The following SACS variants were observed in gnomAD, a reference collection of about 807,000 sequenced individuals.
SACS encodes the protein sacsin molecular chaperone, also known as sacsin.
SACS carries 197 observed loss-of-function variants against 348.0 expected under a neutral mutation model. The ratio of observed to expected loss-of-function variants is 0.57; its 90% CI spans 0.50 to 0.64. The LOEUF is 0.64. Among genes scored for constraint, SACS ranks in the 30% least tolerant of loss-of-function variants. The pLI is 0.00. For missense variants in SACS, 4,999 were observed against 5,360.8 expected, an observed-to-expected ratio of 0.93 and a Z score of 2.11; for synonymous variants, 1,985 against 1,910.6, an observed-to-expected ratio of 1.04 and a Z score of -1.02.
In SACS at chr13:23,338,535, G is replaced by C. The variant is rs764461676; in HGVS notation, c.5341C>G (p.Leu1781Val). 3.7e-6 allele frequency: 6 copies of C among 1,614,056 alleles called. No individual in the cohort carries two copies. Among genetic ancestry groups the C allele is most frequent in the Non-Finnish European group, 5.1e-6 (6 of 1,180,028 alleles). Reference sequence around the variant, plus strand: ...GGGTCATCATCTGGACCTCTAAAAAGTGGCGACTGTAAATCAGCAATCCTT... The same window carrying C: ...GGGTCATCATCTGGACCTCTAAAAACTGGCGACTGTAAATCAGCAATCCTT... ...FRRIADLQSP[L>V]FRGPDDDPAA... The change falls in exon 10 of 10, where the codon CTT (leucine) becomes GTT (valine). Residue 1781 changes from leucine to valine, a missense_variant. Leu to Val is a conservative substitution (Grantham distance 32). This residue lies in a region of SACS where 3,156 missense variants were observed against 3,380.1 expected (regional missense o/e 0.93). Coordinates refer to ENST00000382292, the MANE Select transcript of SACS (RefSeq NM_014363.6).
At chr13:23,378,895 C>T (rs552582445) in intron 2 of SACS, among the ~76,000 whole-genome samples, 2 of 152,250 alleles carry the variant, frequency 1.3e-5, no homozygotes, top group Non-Finnish European at 2.9e-5. Flanking sequence ...TTGTGAAACA[C>T]TCCATCATAA....
intron 2 of SACS, among the ~76,000 whole-genome samples, chr13:23,384,399 T>G (rs1458333995): frequency 6.6e-6 from 1 of 152,262 alleles, no homozygotes; most frequent in Non-Finnish European, 1.5e-5. Context: ...TGTAGTGATG[T>G]TCACATGTGT....
chr13:23,359,571 T>C (rs1287833598), intron 6 of SACS, among the ~76,000 whole-genome samples: 1 of 152,178 alleles, frequency 6.6e-6, no homozygotes, highest in Non-Finnish European at 1.5e-5. Flanking sequence ...AAAAGTAATA[T>C]TTATAAAATA....
Position 23,340,053 on chromosome 13 carries a change from A to G in SACS, c.3823T>C (p.Phe1275Leu). ...EGKDSFRALKFPWVWTGKKFC... is the reference protein window; with the variant it reads ...EGKDSFRALKLPWVWTGKKFC... ...TTTTTGCCAGTCCAAACCCATGGAA[A>G]TTTTAAGGCTCTAAAAGAATCTTTC... Residue 1275 changes from phenylalanine (F) to leucine (L), a missense_variant, in exon 10 of 10, where the codon TTT becomes CTT. Phe to Leu is a conservative substitution (Grantham distance 22, BLOSUM62 0). This residue lies in a region of SACS where 3,156 missense variants were observed against 3,380.1 expected (regional missense o/e 0.93). Coordinates refer to ENST00000382292, the MANE Select transcript of SACS (RefSeq NM_014363.6). 1 of 1,614,056 alleles carries G rather than the reference A, an allele frequency of 6.2e-7. No individual in the cohort carries two copies. The highest frequency in any genetic ancestry group is 8.5e-7 in the Non-Finnish European group (1 of 1,179,996).
chr13:23,426,053 G>C (rs962290391), intron 1 of SACS, among the ~76,000 whole-genome samples: 1 of 152,128 alleles, frequency 6.6e-6, no homozygotes, highest in Non-Finnish European at 1.5e-5. Flanking sequence ...TCATTATACA[G>C]AGAAGGAAAC....
chr13:23,403,343 G>A (rs1873066390), intron 2 of SACS, among the ~76,000 whole-genome samples: 1 of 152,172 alleles, frequency 6.6e-6, no homozygotes, highest in African/African-American at 2.4e-5. Flanking sequence ...AATGGTACCA[G>A]CTCCTCTTTT....
At chr13:23,408,693 C>G (rs150242759) in intron 2 of SACS, among the ~76,000 whole-genome samples, 312 of 152,282 alleles carry the variant, frequency 2.0e-3, no homozygotes, top group African/African-American at 7.2e-3. Context: ...TGGCCTGGCA[C>G]AGTGGCTCAC....
intron 2 of SACS, among the ~76,000 whole-genome samples, chr13:23,390,935 G>T (rs1872507250): frequency 6.6e-6 from 1 of 152,140 alleles, no homozygotes; most frequent in South Asian, 2.1e-4. Context: ...GCCCAAACCT[G>T]CCCTGGGCCA....
In SACS at chr13:23,338,941, T is replaced by C; in HGVS notation, c.4935A>G (p.Arg1645=). The part of the protein sequence containing the change: ...APYSYNGTLF[R]LSFRTQQEAK... ...CTTCCTGTTGAGTTCTAAAGGACAG[T>C]CGGAAAAGGGTTCCATTATAGCTGT... The change falls in exon 10 of 10, where the codon CGA becomes CGG. Residue 1645 remains arginine (R), a synonymous_variant. Transcript: ENST00000382292. 1.2e-6 allele frequency: 2 copies of C among 1,613,806 alleles called. No individual in the cohort carries two copies. Among genetic ancestry groups the C allele is most frequent in the Non-Finnish European group, 1.7e-6 (2 of 1,179,926 alleles).
chr13:23,334,752 C>G lies in SACS; in HGVS notation c.9124G>C (p.Asp3042His), dbSNP rs767362322. 2 of 1,613,756 alleles carry G rather than the reference C, an allele frequency of 1.2e-6. No individual in the cohort carries two copies. The highest frequency in any genetic ancestry group is 1.7e-6 in the Non-Finnish European group (2 of 1,179,760). The part of the protein sequence containing the change: ...QDELQHLKNA[D>H]YNITTRKTVA... ...GTTTTGCGTGTGGTGATATTATAAT[C>G]TGCATTTTTAAGGTGTTGTAATTCA... is the stretch of plus-strand genomic sequence containing the variant. The change falls in exon 10 of 10, where the codon GAT becomes CAT. Residue 3042 changes from aspartate (D) to histidine (H), a missense_variant. By Grantham distance (81) the Asp-to-His change is moderately conservative. This residue lies in a region of SACS where 734 missense variants were observed against 694.0 expected (regional missense o/e 1.06). Transcript: ENST00000382292.
chr13:23,407,590 G>T (rs1339479969), intron 2 of SACS, among the ~76,000 whole-genome samples: 1 of 152,170 alleles, frequency 6.6e-6, no homozygotes, highest in Non-Finnish European at 1.5e-5. Flanking sequence ...GGTTCAGCTG[G>T]TCCTTAATGA....
At chr13:23,392,971 A>G (rs1371442533) in intron 2 of SACS, among the ~76,000 whole-genome samples, 4 of 152,182 alleles carry the variant, frequency 2.6e-5, no homozygotes, top group Admixed American at 2.0e-4. Context: ...AGAAAACACA[A>G]TAAGCACAGA....
Position 23,335,436 on chromosome 13 carries a change from T to C in SACS, c.8440A>G (p.Asn2814Asp), listed in dbSNP as rs896492149. 3.7e-6 allele frequency: 6 copies of C among 1,613,900 alleles called. No individual in the cohort carries two copies. Among genetic ancestry groups the C allele is most frequent in the Non-Finnish European group, 4.2e-6 (5 of 1,179,902 alleles). Reference sequence around the variant, plus strand: ...TTACAAATTAGCCACGTAGTAAGATTTCCTTCAGAGTCCTCAGTATCCATA... The same window carrying C: ...TTACAAATTAGCCACGTAGTAAGATCTCCTTCAGAGTCCTCAGTATCCATA... ...YTMDTEDSEGNLTTWLICNRS... is the reference protein window; with the variant it reads ...YTMDTEDSEGDLTTWLICNRS... Residue 2814 changes from asparagine (N) to aspartate (D), a missense_variant, in exon 10 of 10, where the codon AAT becomes GAT. Coordinates refer to ENST00000382292, the MANE Select transcript of SACS (RefSeq NM_014363.6). The surrounding 1 kb of genome is among the most constrained non-coding windows in gnomAD (Gnocchi z 4.7).
At chr13:23,365,920 C>T (rs201701589) in intron 5 of SACS, among the ~76,000 whole-genome samples, 3 of 152,064 alleles carry the variant, frequency 2.0e-5, no homozygotes, top group East Asian at 3.9e-4. Flanking sequence ...ACCAGCTCCC[C>T]GTAATGTAGA....
chr13:23,340,073 T>G lies in SACS; in HGVS notation c.3803A>C (p.Asp1268Ala). The G allele has an allele frequency of 1.2e-6, 2 of 1,614,008 alleles. No homozygotes were observed. The highest frequency in any genetic ancestry group is 1.7e-6 in the Non-Finnish European group (2 of 1,179,924). Residue 1268 changes from aspartate to alanine, a missense_variant, in exon 10 of 10, where the codon GAT becomes GCT. Physicochemically the swap from Asp to Ala is moderately radical, Grantham distance 126. This residue lies in a region of SACS where 3,156 missense variants were observed against 3,380.1 expected (regional missense o/e 0.93). Transcript: ENST00000382292. ...FMHDHLNEGK[D>A]SFRALKFPWV... ...TGGAAATTTTAAGGCTCTAAAAGAA[T>G]CTTTCCCTTCATTTAGATGATCATG... is the stretch of plus-strand genomic sequence containing the variant.
chr13:23,407,700 T>C (rs1159479149), intron 2 of SACS, among the ~76,000 whole-genome samples: 3 of 152,266 alleles, frequency 2.0e-5, no homozygotes, highest in East Asian at 3.9e-4. Flanking sequence ...GACTTTCTCT[T>C]TAACCAAACA....
rs1007996912 is a variant in SACS, at chr13:23,332,279, C to T, written c.11597G>A (p.Gly3866Asp). ...VLSRIFKNSEGKQLDPNEMRT... is the reference protein window; with the variant it reads ...VLSRIFKNSEDKQLDPNEMRT... ...CATTTCATTAGGATCTAATTGTTTG[C>T]CCTCAGAATTTTTAAATATGCGGCT... Residue 3866 changes from glycine (G) to aspartate (D), a missense_variant, in exon 10 of 10, where the codon GGC (glycine) becomes GAC (aspartate). Gly to Asp is a moderately conservative substitution (Grantham distance 94). Around this residue, in one of 6 missense-constraint regions of SACS, gnomAD observed 831 missense variants for 941.8 expected, o/e 0.88. Coordinates refer to ENST00000382292, the MANE Select transcript of SACS (RefSeq NM_014363.6). 2.5e-6 allele frequency: 4 copies of T among 1,613,752 alleles called. No homozygotes were observed. Among genetic ancestry groups the T allele is most frequent in the Non-Finnish European group, 3.4e-6 (4 of 1,179,894 alleles).
In SACS at chr13:23,341,671, C is replaced by T; in HGVS notation, c.2205G>A (p.Leu735=). The T allele has an allele frequency of 1.2e-6, 2 of 1,612,748 alleles. No individual in the cohort carries two copies. The highest frequency in any genetic ancestry group is 2.2e-5 in the East Asian group (1 of 44,870). Residue 735 remains leucine (L), a synonymous_variant, in exon 10 of 10, where the codon CTG becomes CTA. Transcript: ENST00000382292. ...AQTRGRPCTQ[L]QLLNPERFAR... is the part of the protein sequence containing the mutation. ...CAAATCGTTCTGGATTTAGAAGCTG[C>T]AGCTGAGTACATGGTCTTCCTGTAA...
chr13:23,337,374 C>T lies in SACS; in HGVS notation c.6502G>A (p.Val2168Met), dbSNP rs2137609191. The change falls in exon 10 of 10, where the codon GTG (valine) becomes ATG (methionine). Residue 2168 changes from valine to methionine, a missense_variant. Physicochemically the swap from Val to Met is conservative, Grantham distance 21. Coordinates refer to ENST00000382292, the MANE Select transcript of SACS (RefSeq NM_014363.6). ...ILWDDMLERA[V>M]SVAEINKSDH... ...CTTTTATTAATTTCAGCTACTGACA[C>T]TGCACGTTCTAGCATATCATCCCAT... The T allele has an allele frequency of 6.2e-7, 1 of 1,613,922 alleles. No individual in the cohort carries two copies. The highest frequency in any genetic ancestry group is 8.5e-7 in the Non-Finnish European group (1 of 1,179,904).
Sources: gnomAD v4.1 joint callset for allele counts (sites outside exome capture counted in the v4.1 genomes callset) on GRCh38, gnomAD v4.1.1 for gene constraint, gnomAD v4.1.1 regional missense constraint, Gnocchi (gnomAD v3.1) non-coding constraint, MANE v1.5 for transcripts, NCBI Gene and HGNC (gene_info 2026-07-23, HGNC 2026-07-21) for gene names.